MGST1: variants seen among roughly 807,000 people sequenced by gnomAD.
MGST1 encodes the protein glutathione S-transferase 12.
In MGST1, 5 loss-of-function variants were observed where a neutral mutation model predicts 8.9. That is an observed-to-expected ratio of 0.56 (90% confidence interval 0.29 to 1.19). The LOEUF (loss-of-function observed/expected upper bound fraction) is 1.19. MGST1 is among the 50% of genes most tolerant of loss of function. The pLI, the probability that MGST1 is intolerant of heterozygous loss-of-function variation, is 0.08. For synonymous variants in MGST1, 54 were observed against 67.8 expected (o/e 0.80, Z 1.00); for missense variants, 182 against 187.4 (o/e 0.97, Z 0.17).
At position 16,472,845 on chromosome 12, in the gene MGST1, A is replaced by T. The variant is rs199772866; in HGVS notation, n.482+89241A>T. Among the ~76,000 whole-genome samples, 28 of 152,314 alleles carry T rather than the reference A, an allele frequency of 1.8e-4. No homozygotes were observed. The East Asian group carries it at 3.9e-3, about 21-fold the overall frequency. On this transcript the variant is annotated intron_variant and non_coding_transcript_variant, in intron 4 of 4. Transcript: ENST00000538857. The stretch of plus-strand genomic sequence containing the variant: ...AGCAAAAGGAGAGGCAGGGAAAAAA[A>T]TCCTCATCCCTTCCTAAAATAAGAG...
At chr12:16,434,864 G>T (rs892137143) in intron 1 of MGST1, among the ~76,000 whole-genome samples, 3 of 151,870 alleles carry the variant, frequency 2.0e-5, no homozygotes, top group Non-Finnish European at 2.9e-5. Context: ...GATCACATTT[G>T]ATATTAGTTT....
At chr12:16,407,596 A>G (rs1284335083) in intron 1 of MGST1, among the ~76,000 whole-genome samples, 3 of 152,226 alleles carry the variant, frequency 2.0e-5, no homozygotes, top group Non-Finnish European at 2.9e-5. Context: ...TTGTTGCATC[A>G]TAAAGGCACA....
downstream of MGST1, among the ~76,000 whole-genome samples, chr12:16,591,743 G>A (rs1439083786): frequency 6.6e-6 from 1 of 152,048 alleles, no homozygotes; most frequent in Admixed American, 6.6e-5. The surrounding 1 kb of genome is among the most constrained non-coding windows in gnomAD (Gnocchi z 4.1). Flanking sequence ...TAGCATGAAA[G>A]TTACAAGCTA....
chr12:16,494,649 G>T (rs369005887), intron 4 of MGST1, among the ~76,000 whole-genome samples: 2 of 152,186 alleles, frequency 1.3e-5, no homozygotes, highest in Non-Finnish European at 2.9e-5. Context: ...GATGGGACCT[G>T]TATGGCTATT....
chr12:16,516,300 T>A (rs992172662), intron 4 of MGST1, among the ~76,000 whole-genome samples: 2 of 152,208 alleles, frequency 1.3e-5, no homozygotes, highest in African/African-American at 4.8e-5. Flanking sequence ...CAGTAGGTTA[T>A]CTAAGGAAAG....
In MGST1 at chr12:16,434,749, C is replaced by G. The variant is rs558770142; in HGVS notation, n.779-2639C>G. Among the ~76,000 whole-genome samples the G allele has an allele frequency of 8.6e-5, 13 of 151,980 alleles. No homozygotes were observed. The South Asian group carries it at 2.7e-3, about 32-fold the overall frequency. On this transcript the variant is annotated intron_variant and non_coding_transcript_variant, in intron 1 of 1. Transcript: ENST00000359720. ...CATTCAGTTCCCTTTGGGGAATTAA[C>G]CAGCATGCTTGACTTCTAAGAACTC...
rs549185117 is a variant in MGST1 at position 16,576,320 on chromosome 12, G to A, written n.483-13208G>A. ...TTTCTGTCTTCTATCCCATCACTGA[G>A]CCTCAGCCCCAATGTGCTGTCTACT... is the stretch of plus-strand genomic sequence containing the variant. On this transcript the variant is annotated intron_variant and non_coding_transcript_variant, in intron 4 of 4. Transcript: ENST00000538857. This position sits in a 1 kb window ranked among gnomAD's most constrained non-coding sequence, Gnocchi z 4.1. Among the ~76,000 whole-genome samples, 4 of 152,082 alleles carry A rather than the reference G, an allele frequency of 2.6e-5. No individual in the cohort carries two copies. Among genetic ancestry groups the A allele is most frequent in the Non-Finnish European group, 5.9e-5 (4 of 68,004 alleles).
At chr12:16,441,088 T>C (rs1022811330), downstream of MGST1, among the ~76,000 whole-genome samples, 2 of 151,882 alleles carry the variant, frequency 1.3e-5, no homozygotes, top group Non-Finnish European at 2.9e-5. Context: ...ATCTATATAT[T>C]TGGATACAAT....
At chr12:16,558,719 C>T (rs536812551) in intron 4 of MGST1, among the ~76,000 whole-genome samples, 82 of 152,206 alleles carry the variant, frequency 5.4e-4, no homozygotes, top group Non-Finnish European at 9.6e-4. Flanking sequence ...CATTAGGCAA[C>T]AATCTGAATA....
chr12:16,531,974 T>C (rs1040405722), intron 4 of MGST1, among the ~76,000 whole-genome samples: 3 of 152,126 alleles, frequency 2.0e-5, no homozygotes, highest in Non-Finnish European at 2.9e-5. Flanking sequence ...CAGGCTGAAA[T>C]TGAAAGCAGC....
chr12:16,434,611 CT>C (rs1396727584), intron 1 of MGST1, among the ~76,000 whole-genome samples: 2 of 151,996 alleles, frequency 1.3e-5, no homozygotes, highest in Non-Finnish European at 1.5e-5. Context: ...AACAGACTTT[CT>C]TTTTCTTTCT....
exon 4 of MGST1, chr12:16,376,626 A>G (rs1940384783): frequency 6.6e-6 from 1 of 151,142 alleles, no homozygotes; most frequent in South Asian, 2.1e-4. Context: ...TTCAGTTGCA[A>G]CGTATGGATG....
At chr12:16,441,290 C>T (rs976638755), downstream of MGST1, among the ~76,000 whole-genome samples, 26 of 151,870 alleles carry the variant, frequency 1.7e-4, no homozygotes, top group Non-Finnish European at 3.2e-4. Context: ...CAACATCCTA[C>T]ACCAGAACGA....
At chr12:16,530,610 A>G (rs893968130) in intron 4 of MGST1, among the ~76,000 whole-genome samples, 2 of 152,144 alleles carry the variant, frequency 1.3e-5, no homozygotes, top group Non-Finnish European at 2.9e-5. Context: ...GGGTGAAGGC[A>G]TGGTAAACAT....
chr12:16,438,462 G>C (rs936709456), exon 2 of MGST1: 12 of 151,848 alleles, frequency 7.9e-5, no homozygotes, highest in Non-Finnish European at 1.2e-4. Flanking sequence ...TTCAGACGTT[G>C]CTTAGCAGGG....
Position 16,363,905 on chromosome 12 carries a change from T to C in MGST1, c.332T>C (p.Val111Ala), listed in dbSNP as rs750454597. 31 of 1,613,872 alleles carry C rather than the reference T, an allele frequency of 1.9e-5. No homozygotes were observed. The highest frequency in any genetic ancestry group is 3.3e-5 in the Admixed American group (2 of 59,986). Residue 111 changes from valine to alanine, a missense_variant, in exon 4 of 4, where the codon GTC (valine) becomes GCC (alanine). Transcript: ENST00000396210. This position sits in a 1 kb window ranked among gnomAD's most constrained non-coding sequence, Gnocchi z 4.6. ...STAILHFRLF[V>A]GARIYHTIAY... ...GCCATCCTGCACTTCAGACTATTTG[T>C]CGGAGCACGGATCTACCACACCATT... is the stretch of plus-strand genomic sequence containing the variant.
chr12:16,558,097 G>A (rs1373413280), intron 4 of MGST1, among the ~76,000 whole-genome samples: 1 of 151,962 alleles, frequency 6.6e-6, no homozygotes, highest in Non-Finnish European at 1.5e-5. Context: ...GGTAAAAAAG[G>A]CACAAAATAT....
At chr12:16,554,141 TTC>T (rs1235749881) in intron 4 of MGST1, among the ~76,000 whole-genome samples, 16 of 152,208 alleles carry the variant, frequency 1.1e-4, no homozygotes, top group Admixed American at 7.9e-4. Context: ...TTTAGCTGAC[TTC>T]ATATAGTCTT....
At chr12:16,420,991 T>C (rs1273566179) in intron 1 of MGST1, among the ~76,000 whole-genome samples, 1 of 152,126 alleles carries the variant, frequency 6.6e-6, no homozygotes, top group Non-Finnish European at 1.5e-5. Flanking sequence ...GTCTCTGCAA[T>C]TGGTCTCAAG....
Sources: gnomAD v4.1 joint callset for allele counts (sites outside exome capture counted in the v4.1 genomes callset) on GRCh38, gnomAD v4.1.1 for gene constraint, Gnocchi (gnomAD v3.1) non-coding constraint, MANE v1.5 for transcripts, NCBI Gene and HGNC (gene_info 2026-07-23, HGNC 2026-07-21) for gene names.